OPCML: variants seen among roughly 807,000 people sequenced by gnomAD.
OPCML encodes the protein opioid-binding protein/cell adhesion molecule.
In OPCML, 13 loss-of-function variants were observed where a neutral mutation model predicts 37.8. The observed-to-expected ratio is 0.34, with a 90% CI of 0.22 to 0.55. The LOEUF (loss-of-function observed/expected upper bound fraction) is 0.55, where lower values mean the gene tolerates loss of function less well. OPCML is among the 20% of genes least tolerant of loss of function. The probability of loss-of-function intolerance (pLI) is 0.91; values close to 1 mark genes in which losing one functional copy is unlikely to be tolerated. For synonymous variants in OPCML, 176 were observed against 168.8 expected, an observed-to-expected ratio of 1.04 and a Z score of -0.33; for missense variants, 341 against 435.6, an observed-to-expected ratio of 0.78 and a Z score of 1.93.
chr11:133,064,949 A>C (rs1948416464), intron 1 of OPCML: 1 of 152,108 alleles, frequency 6.6e-6, no homozygotes. Flanking sequence ...AATCTGGATG[A>C]GAAGAGGAGA....
At chr11:133,092,649 C>G (rs992946872) in intron 1 of OPCML, among the ~76,000 whole-genome samples, 1 of 152,230 alleles carries the variant, frequency 6.6e-6, no homozygotes, top group Admixed American at 6.5e-5. Context: ...TCACTTGAAC[C>G]CGGGAGGCGG....
intron 1 of OPCML, among the ~76,000 whole-genome samples, chr11:133,316,332 T>A (rs1282403842): frequency 6.6e-6 from 1 of 152,186 alleles, no homozygotes; most frequent in Non-Finnish European, 1.5e-5. Context: ...AGAAAGAATG[T>A]AGGCACCAGC....
chr11:132,777,309 G>T (rs1455673989), intron 2 of OPCML, among the ~76,000 whole-genome samples: 1 of 152,186 alleles, frequency 6.6e-6, no homozygotes, highest in Non-Finnish European at 1.5e-5. Context: ...CAGGGTGTTA[G>T]GACACCTAGT....
intron 2 of OPCML, among the ~76,000 whole-genome samples, chr11:132,783,789 C>T (rs957576932): frequency 6.6e-6 from 1 of 152,124 alleles, no homozygotes; most frequent in Non-Finnish European, 1.5e-5. Context: ...AAAGTACAAC[C>T]TTACCCTAGA....
chr11:132,648,863 C>T (rs1306794597), intron 3 of OPCML, among the ~76,000 whole-genome samples: 9 of 151,782 alleles, frequency 5.9e-5, no homozygotes, highest in Non-Finnish European at 4.4e-5. Flanking sequence ...TTTTTGGTCT[C>T]ACTCACCTTA....
chr11:133,346,674 A>G lies in OPCML; in HGVS notation c.61+185590T>C, dbSNP rs116776829. ...TAAGCTTTAAAGAAAATTCAAGACA[A>G]AATGGTGGCAGTGGAAAGAATGTGG... On this transcript the variant is annotated intron_variant, in intron 1 of 7. Transcript: ENST00000524381. Among the ~76,000 whole-genome samples the G allele has an allele frequency of 9.3e-3, 1,412 of 152,288 alleles. 25 individuals are homozygous for G. Among genetic ancestry groups the G allele is most frequent in the African/African-American group, 0.031 (1,289 of 41,554 alleles).
At chr11:133,276,289 T>G (rs1042555683) in intron 1 of OPCML, among the ~76,000 whole-genome samples, 7 of 152,054 alleles carry the variant, frequency 4.6e-5, no homozygotes, top group African/African-American at 1.7e-4. Context: ...AGATTGAAGA[T>G]TTACAAGTGG....
At chr11:132,918,687 C>A (rs986184883) in intron 2 of OPCML, among the ~76,000 whole-genome samples, 1 of 151,986 alleles carries the variant, frequency 6.6e-6, no homozygotes, top group African/African-American at 2.4e-5. Flanking sequence ...TTATGATTCC[C>A]CAATCACCAC....
intron 1 of OPCML, among the ~76,000 whole-genome samples, chr11:132,977,685 A>G (rs1946494271): frequency 6.6e-6 from 1 of 152,230 alleles, no homozygotes. Context: ...AGAATTATAT[A>G]GAGTGCATAT....
At chr11:132,902,549 G>C (rs934351149) in intron 2 of OPCML, among the ~76,000 whole-genome samples, 3 of 152,230 alleles carry the variant, frequency 2.0e-5, no homozygotes, top group South Asian at 2.1e-4. Flanking sequence ...AGAAAAACAA[G>C]AATTCAGAAG....
intron 3 of OPCML, among the ~76,000 whole-genome samples, chr11:132,548,752 A>G (rs139442104): frequency 3.3e-3 from 495 of 152,184 alleles, no homozygotes; most frequent in Non-Finnish European, 5.4e-3. Context: ...CCTGTAACCA[A>G]CTCTCATGGT....
At chr11:133,016,205 G>A (rs1003599613) in intron 1 of OPCML, among the ~76,000 whole-genome samples, 4 of 151,826 alleles carry the variant, frequency 2.6e-5, no homozygotes, top group African/African-American at 9.7e-5. Context: ...CGTGGGCTCG[G>A]CTAGGTTCTC....
At chr11:132,605,444 G>A (rs529764409) in intron 3 of OPCML, among the ~76,000 whole-genome samples, 78 of 151,876 alleles carry the variant, frequency 5.1e-4, no homozygotes, top group Middle Eastern at 6.8e-3. Context: ...CGCACCTATA[G>A]TCCCAGCTAC....
At chr11:132,808,388 A>C (rs1209968170) in intron 2 of OPCML, among the ~76,000 whole-genome samples, 1 of 152,236 alleles carries the variant, frequency 6.6e-6, no homozygotes, top group East Asian at 1.9e-4. Context: ...GTGCAAATGC[A>C]CAGTGCTACA....
intron 3 of OPCML, among the ~76,000 whole-genome samples, chr11:132,644,072 C>T (rs1261559725): frequency 6.6e-6 from 1 of 152,194 alleles, no homozygotes; most frequent in African/African-American, 2.4e-5. Context: ...AGAATAATCT[C>T]TTCTGCCAAC....
intron 1 of OPCML, among the ~76,000 whole-genome samples, chr11:133,022,514 C>T (rs1947473592): frequency 6.6e-6 from 1 of 151,780 alleles, no homozygotes; most frequent in Admixed American, 6.6e-5. Flanking sequence ...TATCCCTCAC[C>T]TCCCTCACAC....
At chr11:132,621,900 G>C (rs1591635816) in intron 3 of OPCML, among the ~76,000 whole-genome samples, 1 of 152,226 alleles carries the variant, frequency 6.6e-6, no homozygotes, top group East Asian at 1.9e-4. Context: ...CTTTTGTGTA[G>C]GAGACATGGA....
Position 133,394,742 on chromosome 11 carries a change from T to G in OPCML, c.61+137522A>C, listed in dbSNP as rs913633384. Among the ~76,000 whole-genome samples, 11 of 152,258 alleles carry G rather than the reference T, an allele frequency of 7.2e-5. No homozygotes were observed. In the South Asian group the frequency reaches 2.3e-3, roughly 31 times the overall value. Reference sequence around the variant, plus strand: ...GCTATTGCAAATGACAGCTTCATTGTGTATATGTACTACATTTTCTTCATT... The same window carrying G: ...GCTATTGCAAATGACAGCTTCATTGGGTATATGTACTACATTTTCTTCATT... On this transcript the variant is annotated intron_variant, in intron 1 of 7. Transcript: ENST00000524381.
At chr11:132,496,401 C>T (rs971337887) in intron 4 of OPCML, among the ~76,000 whole-genome samples, 1 of 152,190 alleles carries the variant, frequency 6.6e-6, no homozygotes, top group African/African-American at 2.4e-5. Context: ...TATAGGAATA[C>T]ATATCTTACA....
Sources: allele counts gnomAD v4.1 joint callset (sites outside exome capture counted in the v4.1 genomes callset), GRCh38; gene constraint gnomAD v4.1.1; transcripts MANE v1.5; gene names NCBI Gene and HGNC (gene_info 2026-07-23, HGNC 2026-07-21).